Variants in COL18A1 observed in about 807,000 individuals in gnomAD.
The protein encoded by COL18A1 is collagen type XVIII alpha 1 chain.
COL18A1 carries 133 observed loss-of-function variants against 168.0 expected under a neutral mutation model. The ratio of observed to expected loss-of-function variants is 0.79; its 90% CI spans 0.69 to 0.91. COL18A1 has a LOEUF of 0.91. Among genes scored for constraint, COL18A1 ranks in the 40% least tolerant of loss-of-function variants. The probability of loss-of-function intolerance (pLI) is 0.00; values close to 1 mark genes in which losing one functional copy is unlikely to be tolerated. For missense variants in COL18A1, 2,126 were observed against 1,925.4 expected, an observed-to-expected ratio of 1.10 and a Z score of -1.95; for synonymous variants, 949 against 809.0, an observed-to-expected ratio of 1.17 and a Z score of -2.94.
At chr21:45,499,559 G>A (rs8128959) in intron 32 of COL18A1, among the ~76,000 whole-genome samples, 1,267 of 138,086 alleles carry the variant, frequency 9.2e-3, no homozygotes, top group Admixed American at 0.014. Context: ...AGGCTCCCTC[G>A]GGAACCCGCG....
chr21:45,453,449 T>A (rs1398230553), intron 2 of COL18A1, among the ~76,000 whole-genome samples: 1 of 152,136 alleles, frequency 6.6e-6, no homozygotes, highest in Non-Finnish European at 1.5e-5. Flanking sequence ...GTTTGAGTGA[T>A]GATGTGAGGA....
chr21:45,478,795 G>A (rs956671464), intron 9 of COL18A1, among the ~76,000 whole-genome samples: 3 of 152,174 alleles, frequency 2.0e-5, no homozygotes, highest in Non-Finnish European at 2.9e-5. Context: ...CAGTAATGAC[G>A]TGATCGACTG....
At chr21:45,483,569 C>T (rs958205423) in intron 15 of COL18A1, among the ~76,000 whole-genome samples, 7 of 152,166 alleles carry the variant, frequency 4.6e-5, no homozygotes, top group South Asian at 2.1e-4. Context: ...GGCCTCCAGT[C>T]GGCATCTGTG....
chr21:45,437,245 TACACAC>T (rs372338269), intron 2 of COL18A1, among the ~76,000 whole-genome samples: 2 of 51,368 alleles, frequency 3.9e-5, no homozygotes, highest in Admixed American at 1.9e-4. Flanking sequence ...CACTCTCCTG[TACACAC>T]ACACACTCAC....
rs759303054 is a variant in COL18A1 at position 45,494,891 on chromosome 21, A to C, written c.2409A>C (p.Gly803=). ...CATACGGACGGCCGGGGTACAAGGG[A>C]GAGATTGGCTTTCCTGGACGGCCGG... The part of the protein sequence containing the change: ...PGPYGRPGYK[G]EIGFPGRPGR... The change falls in exon 28 of 42, where the codon GGA becomes GGC. Residue 803 remains glycine (G), a synonymous_variant. Transcript: ENST00000651438. 4.3e-6 allele frequency: 7 copies of C among 1,610,442 alleles called. 1 individual carries two copies. In the South Asian group the frequency reaches 6.6e-5, roughly 15 times the overall value.
At chr21:45,455,269 C>T (rs1374987735) in intron 2 of COL18A1, among the ~76,000 whole-genome samples, 1 of 152,262 alleles carries the variant, frequency 6.6e-6, no homozygotes, top group African/African-American at 2.4e-5. Flanking sequence ...ACACAGCACC[C>T]TCTGTCCTCA....
chr21:45,488,297 A>G (rs1247268059), intron 17 of COL18A1, 121 bp from the exon 18 acceptor site: 17 of 1,246,418 alleles, frequency 1.4e-5, no homozygotes, highest in Admixed American at 1.0e-4. Context: ...AACTTAGTAC[A>G]TTTCCTTTTA....
intron 14 of COL18A1, chr21:45,482,390 C>T (rs767737483): frequency 3.1e-6 from 2 of 638,274 alleles, no homozygotes; most frequent in Admixed American, 2.0e-5. Flanking sequence ...GCGGGAGTCG[C>T]CTGCGTCTGG....
intron 22 of COL18A1, 74 bp downstream of exon 22, chr21:45,491,388 C>CCCCCCCACA: frequency 5.3e-6 from 4 of 747,930 alleles, no homozygotes; most frequent in Non-Finnish European, 9.5e-6. Context: ...TCCCCGAGCC[C>CCCCCCCACA]CCCCCACACC....
At chr21:45,491,521 C>T (rs920342888) in intron 22 of COL18A1, among the ~76,000 whole-genome samples, 3 of 152,188 alleles carry the variant, frequency 2.0e-5, no homozygotes, top group African/African-American at 7.2e-5. Flanking sequence ...GTGTTGGAGA[C>T]ACCGAGGAGA....
chr21:45,502,085 C>T (rs1315993670), intron 32 of COL18A1, among the ~76,000 whole-genome samples: 4 of 66,582 alleles, frequency 6.0e-5, no homozygotes, highest in Admixed American at 3.5e-4. Flanking sequence ...CCCCCAGGGG[C>T]TCCACAGCCG....
Position 45,505,842 on chromosome 21 carries a change from G to C in COL18A1, c.3092G>C (p.Arg1031Thr), listed in dbSNP as rs767176091. 6.2e-6 allele frequency: 10 copies of C among 1,600,688 alleles called. No homozygotes were observed. In the South Asian group the frequency reaches 1.1e-4, roughly 18 times the overall value. Residue 1031 changes from arginine to threonine, a missense_variant, in exon 37 of 42, where the codon AGG becomes ACG. Arg to Thr is a moderately conservative substitution (Grantham distance 71). Coordinates refer to ENST00000651438, the MANE Select transcript of COL18A1 (RefSeq NM_001379500.1). ...CTCTGCATTTGGTCCCAGCAGGTGA[G>C]GCTCTGGGCTACACGCCAGGCCATG... Reference protein sequence around the residue: ...PGTMGASSGVRLWATRQAMLG... With the variant: ...PGTMGASSGVTLWATRQAMLG...
intron 2 of COL18A1, among the ~76,000 whole-genome samples, chr21:45,452,896 T>C (rs1388357185): frequency 1.3e-5 from 2 of 152,030 alleles, no homozygotes; most frequent in Admixed American, 6.5e-5. Context: ...ATGTGACATG[T>C]GAGCATGTAT....
intron 4 of COL18A1, among the ~76,000 whole-genome samples, chr21:45,474,326 G>C (rs910933921): frequency 2.1e-4 from 32 of 151,142 alleles, no homozygotes; most frequent in Admixed American, 2.6e-4. Context: ...TGTCTGTCTT[G>C]TGTGTTGTGT....
Position 45,504,001 on chromosome 21 carries a change from T to C in COL18A1, c.2684-10T>C, listed in dbSNP as rs769911552. The C allele has an allele frequency of 5.0e-6, 8 of 1,611,254 alleles. No homozygotes were observed. The African/African-American group carries it at 8.2e-5, about 17-fold the overall frequency. On this transcript the variant is annotated splice_polypyrimidine_tract_variant and intron_variant, in intron 32 of 41. Coordinates refer to ENST00000651438, the MANE Select transcript of COL18A1 (RefSeq NM_001379500.1). ...ACCTCAGCGAGACCCCGCCTGTCTC[T>C]CTCTTGCAGGGCAGTTTCCGTTTGA...
At chr21:45,477,562 A>G in intron 7 of COL18A1, 75 bp downstream of exon 7, 1 of 1,422,634 alleles carries the variant, frequency 7.0e-7, no homozygotes. Context: ...CTCACTGGTG[A>G]GCCCTGATGA....
In COL18A1 at chr21:45,496,527, G is replaced by C. The variant is rs1306580473; in HGVS notation, c.2536G>C (p.Gly846Arg). 2 of 1,532,038 alleles carry C rather than the reference G, an allele frequency of 1.3e-6. No individual in the cohort carries two copies. The highest frequency in any genetic ancestry group is 1.8e-6 in the Non-Finnish European group (2 of 1,106,184). 94.9% of individuals were successfully genotyped at this position (1,532,038 alleles called of 1,614,324 possible). A position where few individuals can be genotyped will look rare whatever the true frequency, so the allele number is the denominator to read the frequency against. ...AATGCCCGGCCCCCCAGGACCTCCA[G>C]GGCCCCCAGGCCCTCCAGGGACTCC... ...RGMPGPPGPP[G>R]PPGPPGTPVY... Residue 846 changes from glycine to arginine, a missense_variant, in exon 30 of 42, where the codon GGG (glycine) becomes CGG (arginine). By Grantham distance (125) the Gly-to-Arg change is moderately radical. Transcript: ENST00000651438.
In COL18A1 at chr21:45,512,298, C is replaced by T. The variant is rs61735035; in HGVS notation, c.3920C>T (p.Ser1307Leu). 2.5e-4 allele frequency: 409 copies of T among 1,612,272 alleles called. No individual in the cohort carries two copies. In the African/African-American group the frequency reaches 4.6e-3, roughly 18 times the overall value. Residue 1307 changes from serine (S) to leucine (L), a missense_variant, in exon 42 of 42, where the codon TCG becomes TTG. Physicochemically the swap from Ser to Leu is moderately radical, Grantham distance 145 (BLOSUM62 -2). Coordinates refer to ENST00000651438, the MANE Select transcript of COL18A1 (RefSeq NM_001379500.1). ...EAPSATGQAS[S>L]LLGGRLLGQS... Reference sequence around the variant, plus strand: ...CCCTCGGCCACGGGCCAGGCCTCCTCGCTGCTGGGGGGCAGGCTCCTGGGG... The same window carrying T: ...CCCTCGGCCACGGGCCAGGCCTCCTTGCTGCTGGGGGGCAGGCTCCTGGGG...
intron 2 of COL18A1, among the ~76,000 whole-genome samples, chr21:45,447,301 G>GT (rs1398370245): frequency 9.2e-5 from 14 of 151,694 alleles, no homozygotes; most frequent in Non-Finnish European, 2.9e-5. Context: ...TAAAATTACA[G>GT]TTTTTTCTAA....
Sources: allele counts gnomAD v4.1 joint callset (sites outside exome capture counted in the v4.1 genomes callset), GRCh38; gene constraint gnomAD v4.1.1; transcripts MANE v1.5; gene names NCBI Gene and HGNC (gene_info 2026-07-23, HGNC 2026-07-21).